LAT2: variants seen among roughly 807,000 people sequenced by gnomAD.
The protein encoded by LAT2 is linker for activation of T cells family member 2.
Under a neutral mutation model 43.4 loss-of-function variants are expected in LAT2, and 23 were observed. That is an observed-to-expected ratio of 0.53 (90% CI 0.38 to 0.75). The LOEUF is 0.75. LAT2 is among the 30% of genes least tolerant of loss of function. The probability of loss-of-function intolerance (pLI) is 0.00; values close to 1 mark genes in which losing one functional copy is unlikely to be tolerated. For synonymous variants in LAT2, 128 were observed against 123.2 expected, an observed-to-expected ratio of 1.04 and a Z score of -0.26; for missense variants, 284 against 310.2, an observed-to-expected ratio of 0.92 and a Z score of 0.64.
At chr7:74,224,477 C>T (rs538279144) in intron 12 of LAT2, among the ~76,000 whole-genome samples, 162 bp from the exon 13 acceptor site, 7 of 152,194 alleles carry the variant, frequency 4.6e-5, no homozygotes, top group African/African-American at 1.4e-4. Context: ...GGACGATCTC[C>T]GGCAAATCCC....
In LAT2 at chr7:74,214,361, A is replaced by ATATATATATATGAACATATATAT. The variant is rs1801896735; in HGVS notation, c.-218-461_-218-460insTATATATATATGAACATATATAT. 1.8e-4 allele frequency among the ~76,000 whole-genome samples: 8 copies of ATATATATATATGAACATATATAT among 43,938 alleles called. 2 individuals are homozygous for ATATATATATATGAACATATATAT. Among genetic ancestry groups the ATATATATATATGAACATATATAT allele is most frequent in the Non-Finnish European group, 3.2e-4 (8 of 24,836 alleles). 28.8% of individuals were successfully genotyped at this position (43,938 alleles called of 152,430 possible). On this transcript the variant is annotated intron_variant, in intron 1 of 13. Transcript: ENST00000460943. ...ATATATATATGAAAATATATATATAAATATATATATATGAAAATATATATA... is the reference window on the plus strand; with the variant it reads ...ATATATATATGAAAATATATATATAATATATATATATGAACATATATATATATATATATATGAAAATATATATA...
intron 4 of LAT2, among the ~76,000 whole-genome samples, chr7:74,217,156 G>T (rs967869820): frequency 6.6e-6 from 1 of 152,168 alleles, no homozygotes; most frequent in South Asian, 2.1e-4. Flanking sequence ...ATCTGGCCAG[G>T]CACGATGGTT....
intron 13 of LAT2, 27 bp downstream of exon 13, chr7:74,224,787 T>C: frequency 6.8e-7 from 1 of 1,470,338 alleles, no homozygotes; most frequent in Non-Finnish European, 9.2e-7. Context: ...CCAGCTGCCG[T>C]GGGCCAAGGA....
intron 13 of LAT2, 148 bp from the exon 14 acceptor site, chr7:74,228,796 A>C (rs1332250429): frequency 6.6e-6 from 1 of 152,288 alleles, no homozygotes; most frequent in Non-Finnish European, 1.5e-5. Context: ...CTCAAAAAAA[A>C]AAAAAGAAAC....
At chr7:74,216,777 G>A (rs1554714353) in intron 3 of LAT2, 48 bp from the exon 4 acceptor site, 3 of 1,583,152 alleles carry the variant, frequency 1.9e-6, no homozygotes, top group South Asian at 2.2e-5. Context: ...CTGACCTCAG[G>A]TCGCAGCTGC....
Position 74,220,145 on chromosome 7 carries a change from T to TG in LAT2, c.228-66dup. 1 of 1,562,958 alleles carries TG rather than the reference T, an allele frequency of 6.4e-7. No individual in the cohort carries two copies. Among genetic ancestry groups the TG allele is most frequent in the South Asian group, 1.2e-5 (1 of 85,340 alleles). On this transcript the variant is annotated intron_variant, in intron 6 of 13. Coordinates refer to ENST00000460943, the MANE Select transcript of LAT2 (RefSeq NM_032464.3). The surrounding 1 kb of genome is among the most constrained non-coding windows in gnomAD (Gnocchi z 4.5). ...AGCTATGAAGGCCCCACAAGGGGTA[T>TG]GGGGGGATGTGTCCTGGGGGGCCTC...
intron 10 of LAT2, among the ~76,000 whole-genome samples, chr7:74,223,063 C>T (rs376892906): frequency 3.9e-5 from 6 of 152,210 alleles, no homozygotes; most frequent in African/African-American, 1.4e-4. Context: ...CAGCCCCTTC[C>T]CGGCAGTGGC....
Position 74,224,647 on chromosome 7 carries a change from CAG to C in LAT2, c.643_644del (p.Glu215SerfsTer78), listed in dbSNP as rs781853052. 9 of 1,600,924 alleles carry C rather than the reference CAG, an allele frequency of 5.6e-6. No homozygotes were observed. Among genetic ancestry groups the C allele is most frequent in the Non-Finnish European group, 7.7e-6 (9 of 1,174,106 alleles). On this transcript the variant is annotated frameshift_variant, in exon 13 of 14. Transcript: ENST00000460943. LOFTEE classifies it high-confidence loss of function. ...TGCCCGCTGGTCCACAGGGCAACTCCAGAGAGAAGCATCCCCTGGCCCGGTGG... is the reference window on the plus strand; with the variant it reads ...TGCCCGCTGGTCCACAGGGCAACTCCAGAGAAGCATCCCCTGGCCCGGTGG... ...RESRKVMGQL[Q>X]REASPGPVGS...
chr7:74,210,164 G>C (rs1203736848), intron 1 of LAT2, 76 bp downstream of exon 1: 1 of 152,702 alleles, frequency 6.5e-6, no homozygotes, highest in South Asian at 2.1e-4. Context: ...CACTGGGTGG[G>C]GTGGGAAGAG....
Position 74,220,031 on chromosome 7 carries a change from G to A in LAT2, c.227+23G>A, listed in dbSNP as rs782250640. 1 of 1,612,692 alleles carries A rather than the reference G, an allele frequency of 6.2e-7. No individual in the cohort carries two copies. The highest frequency in any genetic ancestry group is 8.5e-7 in the Non-Finnish European group (1 of 1,179,310). On this transcript the variant is annotated intron_variant, in intron 6 of 13. Transcript: ENST00000460943. The surrounding 1 kb of genome is among the most constrained non-coding windows in gnomAD (Gnocchi z 4.5). ...AAGGTAGGTCACAGTCCCCCAGGAA[G>A]TGACAAGAATGAAAGTCCTGGAGGT...
chr7:74,212,429 G>A (rs1801763504), intron 1 of LAT2, among the ~76,000 whole-genome samples: 1 of 151,978 alleles, frequency 6.6e-6, no homozygotes. Flanking sequence ...TTACAGGCTT[G>A]CACCTCCACG....
intron 10 of LAT2, among the ~76,000 whole-genome samples, chr7:74,222,414 AT>A (rs1208772976): frequency 4.7e-5 from 7 of 150,000 alleles, no homozygotes; most frequent in African/African-American, 1.7e-4. Context: ...AAAAAAAAAA[AT>A]CCCCCCAAAA....
Position 74,223,755 on chromosome 7 carries a change from CA to C in LAT2, c.421del (p.Ile141PhefsTer16), listed in dbSNP as rs1802379801. 6.2e-7 allele frequency: 1 copy of C among 1,613,840 alleles called. No homozygotes were observed. The highest frequency in any genetic ancestry group is 1.3e-5 in the African/African-American group (1 of 74,892). ...ATGCCAATTCCTACGAGAATGTGCTCATTTGCAAGCAGAAAACCACAGAGAC... is the reference window on the plus strand; with the variant it reads ...ATGCCAATTCCTACGAGAATGTGCTCTTTGCAAGCAGAAAACCACAGAGAC... ...DDANSYENVL[I>X]CKQKTTETGA... On this transcript the variant is annotated frameshift_variant, in exon 11 of 14. Coordinates refer to ENST00000460943, the MANE Select transcript of LAT2 (RefSeq NM_032464.3). LOFTEE classifies it high-confidence loss of function.
intron 3 of LAT2, 61 bp from the exon 4 acceptor site, chr7:74,216,763 GT>G (rs1212564583): frequency 1.4e-6 from 2 of 1,428,844 alleles, no homozygotes; most frequent in Non-Finnish European, 2.0e-6. Context: ...ATGGCGGGGG[GT>G]GTCTGACCTC....
In LAT2 at chr7:74,229,205, G is replaced by A. The variant is rs1802602112; in HGVS notation, c.*280G>A. The A allele has an allele frequency of 6.6e-6, 1 of 152,256 alleles. No homozygotes were observed. Among genetic ancestry groups the A allele is most frequent in the Non-Finnish European group, 1.5e-5 (1 of 68,056 alleles). 9.4% of individuals were successfully genotyped at this position (152,256 alleles called of 1,614,324 possible). ...GGTACCAAGGGTAACCCGGCTCCTGGTATGGACGGATGCGCAGGATTTAGG... is the reference window on the plus strand; with the variant it reads ...GGTACCAAGGGTAACCCGGCTCCTGATATGGACGGATGCGCAGGATTTAGG... On this transcript the variant is annotated 3_prime_UTR_variant, in exon 14 of 14. Transcript: ENST00000460943.
intron 1 of LAT2, among the ~76,000 whole-genome samples, chr7:74,214,125 T>A (rs574166121): frequency 5.1e-5 from 3 of 58,556 alleles, no homozygotes; most frequent in African/African-American, 8.4e-5. Flanking sequence ...AATATATATA[T>A]AAATATATAT....
At chr7:74,214,774 T>A (rs1381724501) in intron 1 of LAT2, 48 bp from the exon 2 acceptor site, 2 of 20,886 alleles carry the variant, frequency 9.6e-5, no homozygotes, top group Non-Finnish European at 1.7e-4. Flanking sequence ...CATATATATA[T>A]AAATATATAT....
At chr7:74,212,763 G>A (rs1801773998) in intron 1 of LAT2, among the ~76,000 whole-genome samples, 1 of 152,218 alleles carries the variant, frequency 6.6e-6, no homozygotes, top group Non-Finnish European at 1.5e-5. Flanking sequence ...TTTCGAGGAG[G>A]GAGAAGGGCA....
chr7:74,227,235 T>C (rs1226571912), intron 13 of LAT2, among the ~76,000 whole-genome samples: 1 of 151,602 alleles, frequency 6.6e-6, no homozygotes, highest in Non-Finnish European at 1.5e-5. Context: ...TTTATTTTGT[T>C]TTTTGAGAGG....
Sources: gnomAD v4.1 joint callset for allele counts (sites outside exome capture counted in the v4.1 genomes callset) on GRCh38, gnomAD v4.1.1 for gene constraint, Gnocchi (gnomAD v3.1) non-coding constraint, MANE v1.5 for transcripts, NCBI Gene and HGNC (gene_info 2026-07-23, HGNC 2026-07-21) for gene names.